Variants in DMD observed in about 807,000 individuals in gnomAD.
The protein encoded by DMD is mutant dystrophin.
Under a neutral mutation model 330.1 loss-of-function variants are expected in DMD, and 63 were observed. That is an observed-to-expected ratio of 0.19 (90% CI 0.16 to 0.24). The LOEUF is 0.24. Ranked by LOEUF, DMD falls within the 10% of genes least tolerant of loss-of-function variation. The pLI, the probability that DMD is intolerant of heterozygous loss-of-function variation, is 1.00. For synonymous variants in DMD, 1,223 were observed against 959.8 expected, an observed-to-expected ratio of 1.27 and a Z score of -5.07; for missense variants, 3,344 against 2,684.1, an observed-to-expected ratio of 1.25 and a Z score of -5.43.
intron 60 of DMD, among the ~76,000 whole-genome samples, chrX:31,406,061 A>T (rs1297979805): frequency 1.8e-5 from 2 of 112,448 alleles, no homozygotes; most frequent in African/African-American, 6.4e-5. Context: ...ACCATCATTT[A>T]CATGAGCTCT....
intron 44 of DMD, among the ~76,000 whole-genome samples, chrX:31,989,703 A>G (rs1486217184): frequency 8.9e-6 from 1 of 111,825 alleles, no homozygotes; most frequent in Non-Finnish European, 1.9e-5. Context: ...ACTTATATAC[A>G]ATGAAGAGCC....
intron 44 of DMD, among the ~76,000 whole-genome samples, chrX:32,127,579 C>T (rs2096667847): frequency 9.0e-6 from 1 of 111,569 alleles, no homozygotes; most frequent in South Asian, 3.8e-4. Flanking sequence ...CGCCTCTGCA[C>T]AAATTAGAAT....
chrX:32,967,577 C>T (rs1161488381), intron 2 of DMD, among the ~76,000 whole-genome samples: 2 of 111,122 alleles, frequency 1.8e-5, no homozygotes, highest in South Asian at 7.6e-4. Context: ...TAGCCTTCCC[C>T]GCAGTGGCAA....
At chrX:31,947,861 CCTTCTCCTT>C (rs1239299685) in intron 45 of DMD, among the ~76,000 whole-genome samples, 1 of 99,756 alleles carries the variant, frequency 1.0e-5, no homozygotes, top group East Asian at 3.4e-4. Context: ...TTCACTTTCT[CCTTCTCCTT>C]CTTCTTCTTC....
In DMD at chrX:33,030,471, T is replaced by C. The variant is rs1384548888; in HGVS notation, c.32-10271A>G. On this transcript the variant is annotated intron_variant, in intron 1 of 78. Coordinates refer to ENST00000357033, the MANE Select transcript of DMD (RefSeq NM_004006.3). Reference sequence around the variant, plus strand: ...TTATAATTTATAAAGTGATTTCAAATATCTCATCTTGTTTAAACATGAGTA... The same window carrying C: ...TTATAATTTATAAAGTGATTTCAAACATCTCATCTTGTTTAAACATGAGTA... 2.7e-5 allele frequency among the ~76,000 whole-genome samples: 3 copies of C among 112,395 alleles called. No homozygotes were observed. The East Asian group carries it at 8.4e-4, about 31-fold the overall frequency.
chrX:32,641,781 G>A (rs1490209206), intron 11 of DMD, among the ~76,000 whole-genome samples: 2 of 110,580 alleles, frequency 1.8e-5, no homozygotes, highest in African/African-American at 6.6e-5. Flanking sequence ...GCTTCCGACT[G>A]GATCTATCCA....
At chrX:31,486,945 G>A (rs2068854599) in intron 57 of DMD, among the ~76,000 whole-genome samples, 1 of 111,695 alleles carries the variant, frequency 9.0e-6, no homozygotes, top group Non-Finnish European at 1.9e-5. Flanking sequence ...TGCTCACTTC[G>A]GGACAAGCAA....
intron 1 of DMD, among the ~76,000 whole-genome samples, chrX:33,074,200 G>A (rs750178756): frequency 1.8e-5 from 2 of 111,379 alleles, no homozygotes; most frequent in African/African-American, 3.3e-5. Context: ...GGCAAACAGC[G>A]AGCTGTAACC....
intron 13 of DMD, among the ~76,000 whole-genome samples, chrX:32,593,243 C>T (rs5928032): frequency 0.064 from 7,153 of 112,255 alleles, 213 homozygotes; most frequent in Middle Eastern, 0.11. Flanking sequence ...CCATTTTCCT[C>T]CAATGTATGA....
rs757817192 is a variant in DMD, at chrX:31,820,129, A to G, written c.7201-46T>C. On this transcript the variant is annotated intron_variant, in intron 49 of 78. Coordinates refer to ENST00000357033, the MANE Select transcript of DMD (RefSeq NM_004006.3). The stretch of plus-strand genomic sequence containing the variant: ...CATTACTTATTCGATTAACACTTTG[A>G]AGATAATTCATGAACATCTTAATCC... 1.5e-5 allele frequency: 15 copies of G among 1,012,893 alleles called. No individual in the cohort carries two copies. In the African/African-American group the frequency reaches 2.2e-4, roughly 15 times the overall value. The allele number at this position is 1,012,893 out of a possible 1,213,427, so 83.5% of individuals were successfully genotyped here. A position where few individuals can be genotyped will look rare whatever the true frequency, so the allele number is the denominator to read the frequency against.
intron 44 of DMD, among the ~76,000 whole-genome samples, chrX:32,055,290 T>G (rs2096160939): frequency 8.9e-6 from 1 of 112,277 alleles, no homozygotes; most frequent in Non-Finnish European, 1.9e-5. Context: ...AACAGAGTAA[T>G]GTTTTAAATT....
intron 50 of DMD, among the ~76,000 whole-genome samples, chrX:31,774,656 G>A (rs890328812): frequency 9.0e-6 from 1 of 111,330 alleles, no homozygotes; most frequent in African/African-American, 3.3e-5. Flanking sequence ...CCTTGAATAG[G>A]AAGTAAATTA....
chrX:32,504,264 T>C lies in DMD; in HGVS notation c.2293-2422A>G, dbSNP rs193008454. On this transcript the variant is annotated intron_variant, in intron 18 of 78. Transcript: ENST00000357033. The stretch of plus-strand genomic sequence containing the variant: ...AGTTTATACTTTTGATGGTGAAATA[T>C]CTGACATTATTGTGAATTTTATCAC... Among the ~76,000 whole-genome samples the C allele has an allele frequency of 2.9e-4, 33 of 112,333 alleles. No homozygotes were observed. In the East Asian group the frequency reaches 8.4e-3, roughly 29 times the overall value.
At chrX:31,689,182 C>T (rs2082922760) in intron 52 of DMD, among the ~76,000 whole-genome samples, 1 of 111,566 alleles carries the variant, frequency 9.0e-6, no homozygotes, top group Non-Finnish European at 1.9e-5. Flanking sequence ...TCAAATTGTC[C>T]CTGTTTGCAG....
intron 1 of DMD, among the ~76,000 whole-genome samples, chrX:33,202,290 C>A (rs944255494): frequency 9.0e-6 from 1 of 111,494 alleles, no homozygotes; most frequent in Non-Finnish European, 1.9e-5. Flanking sequence ...AATCTTTAAT[C>A]CTACTGTCAT....
intron 41 of DMD, among the ~76,000 whole-genome samples, chrX:32,339,944 G>T (rs779059987): frequency 1.3e-4 from 14 of 111,976 alleles, no homozygotes; most frequent in South Asian, 7.3e-4. Flanking sequence ...CCATTGTAAG[G>T]TTATATCAAA....
chrX:31,764,594 T>G (rs768822796), intron 51 of DMD, among the ~76,000 whole-genome samples: 1 of 112,016 alleles, frequency 8.9e-6, no homozygotes, highest in Non-Finnish European at 1.9e-5. Flanking sequence ...TCAACTCAAT[T>G]TATCTATATG....
chrX:32,471,089 CAA>C (rs1034054687), intron 22 of DMD, among the ~76,000 whole-genome samples: 3 of 110,682 alleles, frequency 2.7e-5, no homozygotes, highest in African/African-American at 9.9e-5. Flanking sequence ...CCAGCATGGC[CAA>C]GATGGTGAAA....
At chrX:31,984,180 C>T (rs2095495147) in intron 44 of DMD, among the ~76,000 whole-genome samples, 1 of 111,991 alleles carries the variant, frequency 8.9e-6, no homozygotes, top group Non-Finnish European at 1.9e-5. Flanking sequence ...TTGTCTTTCA[C>T]TTTGATAATG....
Sources: allele counts gnomAD v4.1 joint callset (sites outside exome capture counted in the v4.1 genomes callset), GRCh38; gene constraint gnomAD v4.1.1; transcripts MANE v1.5; gene names NCBI Gene and HGNC (gene_info 2026-07-23, HGNC 2026-07-21).